PCDHGA2: variants seen among roughly 807,000 people sequenced by gnomAD.
PCDHGA2 encodes the protein protocadherin gamma subfamily A, 2, also known as protocadherin gamma-A2.
A neutral mutation model predicts 59.2 loss-of-function variants in PCDHGA2; 40 were observed. That is an observed-to-expected ratio of 0.68 (90% confidence interval 0.52 to 0.88). The LOEUF (loss-of-function observed/expected upper bound fraction) is 0.88. PCDHGA2 is among the 40% of genes least tolerant of loss of function. The pLI, the probability that PCDHGA2 is intolerant of heterozygous loss-of-function variation, is 0.00. For synonymous variants in PCDHGA2, 560 were observed against 526.0 expected, an observed-to-expected ratio of 1.06 and a Z score of -0.89; for missense variants, 1,226 against 1,204.0, an observed-to-expected ratio of 1.02 and a Z score of -0.27.
intron 1 of PCDHGA2, chr5:141,361,955 A>G (rs1762251619): frequency 6.2e-6 from 10 of 1,602,992 alleles, no homozygotes; most frequent in Non-Finnish European, 6.8e-6. Flanking sequence ...CTGTCCTACC[A>G]CGTGCTGCAG....
intron 1 of PCDHGA2, among the ~76,000 whole-genome samples, chr5:141,446,411 G>A (rs778985047): frequency 1.3e-5 from 2 of 152,086 alleles, no homozygotes; most frequent in Non-Finnish European, 2.9e-5. Flanking sequence ...TTGAGTTCCA[G>A]CCATGTTCAT....
chr5:141,384,752 C>A, intron 1 of PCDHGA2: 1 of 1,614,024 alleles, frequency 6.2e-7, no homozygotes, highest in East Asian at 2.2e-5. Flanking sequence ...GGACTCTTTG[C>A]GGTTGGGCTG....
Position 141,505,383 on chromosome 5 carries a change from C to T in PCDHGA2, c.2484-10C>T, listed in dbSNP as rs369765886. On this transcript the variant is annotated splice_polypyrimidine_tract_variant and intron_variant, in intron 2 of 3. Coordinates refer to ENST00000394576, the MANE Select transcript of PCDHGA2 (RefSeq NM_018915.4). Reference sequence around the variant, plus strand: ...GGGAGTCTGTGCTCACCATCCTACTCTCTCCCCAGCTCCCAAAATGGCGAT... The same window carrying T: ...GGGAGTCTGTGCTCACCATCCTACTTTCTCCCCAGCTCCCAAAATGGCGAT... The T allele has an allele frequency of 1.2e-6, 2 of 1,613,944 alleles. No individual in the cohort carries two copies. Among genetic ancestry groups the T allele is most frequent in the African/African-American group, 2.7e-5 (2 of 74,914 alleles).
chr5:141,371,078 C>A (rs776361776), intron 1 of PCDHGA2: 1 of 1,613,770 alleles, frequency 6.2e-7, no homozygotes, highest in African/African-American at 1.3e-5. Context: ...CCACCCAGAT[C>A]AGGGTAATTG....
intron 1 of PCDHGA2, 100 bp from the exon 2 acceptor site, chr5:141,494,707 G>A: frequency 2.5e-6 from 4 of 1,599,238 alleles, no homozygotes; most frequent in Non-Finnish European, 3.4e-6. Context: ...TCTTCTCTGT[G>A]CCCACTCCCC....
rs1214796720 is a variant in PCDHGA2 at position 141,340,903 on chromosome 5, G to A, written c.1932G>A (p.Val644=). The change falls in exon 1 of 4, where the codon GTG becomes GTA. Residue 644 remains valine (V), a synonymous_variant. Coordinates refer to ENST00000394576, the MANE Select transcript of PCDHGA2 (RefSeq NM_018915.4). ...DRDALKQSLV[V]AIQDHGQPPL... ...ACGCGCTCAAGCAGAGCCTCGTGGT[G>A]GCCATCCAGGACCACGGCCAGCCCC... 10 of 1,613,636 alleles carry A rather than the reference G, an allele frequency of 6.2e-6. No individual in the cohort carries two copies. The African/African-American group carries it at 1.3e-4, about 22-fold the overall frequency.
rs781229038 is a variant in PCDHGA2, at chr5:141,489,990, A to C, written c.2425-4817A>C. 1.2e-4 allele frequency: 194 copies of C among 1,614,138 alleles called. No individual in the cohort carries two copies. Among genetic ancestry groups the C allele is most frequent in the Non-Finnish European group, 1.6e-4 (188 of 1,180,038 alleles). Reference sequence around the variant, plus strand: ...TCCAATCCTCAGTTCTACGTGTGGGAATCCCAGAGAATGCACCCATTGGTA... The same window carrying C: ...TCCAATCCTCAGTTCTACGTGTGGGCATCCCAGAGAATGCACCCATTGGTA... On this transcript the variant is annotated intron_variant, in intron 1 of 3. Transcript: ENST00000394576. The surrounding 1 kb of genome is among the most constrained non-coding windows in gnomAD (Gnocchi z 4.5).
At position 141,377,829 on chromosome 5, in the gene PCDHGA2, C is replaced by A. The variant is rs970459356; in HGVS notation, c.2424+36434C>A. On this transcript the variant is annotated intron_variant, in intron 1 of 3. Transcript: ENST00000394576. ...GTTATTTACTTGGGCCAGTTACAAT[C>A]GCCATTATCTTCCAATTAAAATTAA... 4 of 152,110 alleles carry A rather than the reference C, an allele frequency of 2.6e-5. No individual in the cohort carries two copies. In the South Asian group the frequency reaches 6.2e-4, roughly 24 times the overall value. The allele number at this position is 152,110 out of a possible 1,614,324, so 9.4% of individuals were successfully genotyped here.
chr5:141,483,509 C>A (rs2099582178), intron 1 of PCDHGA2, among the ~76,000 whole-genome samples: 1 of 147,450 alleles, frequency 6.8e-6, no homozygotes, highest in African/African-American at 2.5e-5. Flanking sequence ...AGGCTGATCC[C>A]CCTAGATCCT....
chr5:141,454,563 C>T (rs1056296059), intron 1 of PCDHGA2, among the ~76,000 whole-genome samples: 46 of 151,960 alleles, frequency 3.0e-4, no homozygotes, highest in Non-Finnish European at 4.9e-4. Context: ...TGTGCCACCA[C>T]GCCCGGCTAA....
chr5:141,444,341 T>C (rs909401337), intron 1 of PCDHGA2, among the ~76,000 whole-genome samples: 2 of 151,892 alleles, frequency 1.3e-5, no homozygotes, highest in African/African-American at 4.8e-5. Context: ...CCAGCTAATT[T>C]TGTATTTTTA....
chr5:141,342,121 T>C (rs1457357207), intron 1 of PCDHGA2: 1 of 151,606 alleles, frequency 6.6e-6, no homozygotes, highest in East Asian at 1.9e-4. Flanking sequence ...TTTTTTTTTA[T>C]CTTTCTCATA....
intron 1 of PCDHGA2, among the ~76,000 whole-genome samples, chr5:141,435,732 C>T (rs2097777160): frequency 6.6e-6 from 1 of 152,150 alleles, no homozygotes; most frequent in South Asian, 2.1e-4. Flanking sequence ...AAGTGTATTA[C>T]TCTTTGAAAA....
chr5:141,485,566 C>G lies in PCDHGA2; in HGVS notation c.2425-9241C>G, dbSNP rs768144422. On this transcript the variant is annotated intron_variant, in intron 1 of 3. Transcript: ENST00000394576. This position sits in a 1 kb window ranked among gnomAD's most constrained non-coding sequence, Gnocchi z 5.7. ...TCGTAGATGTGAATGATCACGCCCC[C>G]CGTTTTCCGCGGCAGCAGCTGGACT... 2.5e-6 allele frequency: 4 copies of G among 1,612,808 alleles called. No homozygotes were observed. Among genetic ancestry groups the G allele is most frequent in the South Asian group, 2.2e-5 (2 of 91,028 alleles).
chr5:141,404,902 C>T, intron 1 of PCDHGA2: 1 of 1,613,856 alleles, frequency 6.2e-7, no homozygotes, highest in Non-Finnish European at 8.5e-7. Context: ...AGGACCATGG[C>T]CAGCCCCCTC....
intron 1 of PCDHGA2, chr5:141,382,754 G>A: frequency 1.6e-6 from 1 of 636,380 alleles, no homozygotes; most frequent in East Asian, 2.7e-5. Context: ...ATTGCGATAA[G>A]CCCTCTTCCA....
intron 1 of PCDHGA2, chr5:141,372,474 G>C: frequency 6.2e-7 from 1 of 1,614,052 alleles, no homozygotes; most frequent in Non-Finnish European, 8.5e-7. Context: ...TCACCTAGTA[G>C]TGGCGTTGGC....
chr5:141,346,135 C>G, intron 1 of PCDHGA2: 1 of 1,613,962 alleles, frequency 6.2e-7, no homozygotes, highest in Non-Finnish European at 8.5e-7. Context: ...GCCGCGGTCT[C>G]CTGCGTCTTC....
At chr5:141,344,711 G>C (rs530004756) in intron 1 of PCDHGA2, 1 of 1,613,938 alleles carries the variant, frequency 6.2e-7, no homozygotes, top group Non-Finnish European at 8.5e-7. Context: ...CTGGCAACTT[G>C]CACATCCAAG....
Sources: gnomAD v4.1 joint callset for allele counts (sites outside exome capture counted in the v4.1 genomes callset) on GRCh38, gnomAD v4.1.1 for gene constraint, Gnocchi (gnomAD v3.1) non-coding constraint, MANE v1.5 for transcripts, NCBI Gene and HGNC (gene_info 2026-07-23, HGNC 2026-07-21) for gene names.